Variants in RIMS1 observed in about 807,000 individuals in gnomAD.
RIMS1 encodes regulating synaptic membrane exocytosis protein 1.
In RIMS1, 83 loss-of-function variants were observed where a neutral mutation model predicts 214.1. That is an observed-to-expected ratio of 0.39 (90% CI 0.32 to 0.47). RIMS1 has a LOEUF of 0.47. RIMS1 is among the 20% of genes least tolerant of loss of function. RIMS1 has a pLI of 0.99. For synonymous variants in RIMS1, 793 were observed against 786.8 expected (o/e 1.01, Z -0.13); for missense variants, 2,050 against 2,161.8 (o/e 0.95, Z 1.03).
intron 4 of RIMS1, among the ~76,000 whole-genome samples, chr6:72,152,991 AAT>A (rs1270166055): frequency 2.1e-5 from 2 of 93,102 alleles, no homozygotes; most frequent in African/African-American, 4.2e-5. Flanking sequence ...GTATATATGG[AAT>A]ATATGTTTAT....
intron 29 of RIMS1, among the ~76,000 whole-genome samples, chr6:72,359,789 T>A (rs1024616202): frequency 6.6e-6 from 1 of 152,154 alleles, no homozygotes; most frequent in African/African-American, 2.4e-5. Context: ...ACAAAGTGCA[T>A]CCCAAGTTTG....
At chr6:72,282,447 C>T (rs1394427953) in intron 23 of RIMS1, among the ~76,000 whole-genome samples, 2 of 151,972 alleles carry the variant, frequency 1.3e-5, no homozygotes, top group South Asian at 2.1e-4. Flanking sequence ...TAAATAAGAA[C>T]CTTAATGTCA....
At chr6:72,243,388 A>G (rs72939692) in intron 10 of RIMS1, among the ~76,000 whole-genome samples, 30,817 of 151,532 alleles carry the variant, frequency 0.2, 3,965 homozygotes, top group Non-Finnish European at 0.28. Context: ...TCTAAAATAA[A>G]GGCAAGCTTT....
chr6:72,320,942 C>A (rs2096121852), intron 28 of RIMS1, among the ~76,000 whole-genome samples: 1 of 151,898 alleles, frequency 6.6e-6, no homozygotes, highest in African/African-American at 2.4e-5. Flanking sequence ...AGAAAGTCAT[C>A]ATTTAAAGCT....
chr6:72,089,359 C>T (rs1207000859), intron 2 of RIMS1, among the ~76,000 whole-genome samples: 3 of 152,164 alleles, frequency 2.0e-5, no homozygotes, highest in Admixed American at 2.0e-4. Context: ...AATACCTTAG[C>T]TGAGGTGGTA....
In RIMS1 at chr6:72,133,565, A is replaced by G. The variant is rs555641109; in HGVS notation, c.471+33579A>G. Among the ~76,000 whole-genome samples, 7 of 152,260 alleles carry G rather than the reference A, an allele frequency of 4.6e-5. No homozygotes were observed. The East Asian group carries it at 1.4e-3, about 29-fold the overall frequency. ...TGCTGCAGCATGAGCAAATAAATCC[A>G]CTTCTTCCAGTGATGGCTATAGAGA... On this transcript the variant is annotated intron_variant, in intron 4 of 33. Transcript: ENST00000521978.
intron 29 of RIMS1, among the ~76,000 whole-genome samples, chr6:72,379,359 C>T (rs144000247): frequency 6.6e-6 from 1 of 152,222 alleles, no homozygotes; most frequent in African/African-American, 2.4e-5. Context: ...GTCCCCATGC[C>T]TTCAAGAGCA....
intron 4 of RIMS1, among the ~76,000 whole-genome samples, chr6:72,134,943 T>G (rs559847922): frequency 3.9e-5 from 6 of 152,086 alleles, no homozygotes; most frequent in Admixed American, 6.6e-5. Flanking sequence ...CCTGGAGAGA[T>G]AAAGGCTTTC....
At chr6:72,109,581 A>T (rs969402607) in intron 4 of RIMS1, among the ~76,000 whole-genome samples, 2 of 150,548 alleles carry the variant, frequency 1.3e-5, no homozygotes, top group Non-Finnish European at 3.0e-5. Context: ...GTTTGAGTTC[A>T]TTGTAGATTC....
chr6:71,951,616 A>G (rs1185736978), intron 1 of RIMS1, among the ~76,000 whole-genome samples: 8 of 149,908 alleles, frequency 5.3e-5, no homozygotes, highest in African/African-American at 2.0e-4. Context: ...TCAGCCTCCT[A>G]AGTAGCTAGG....
Position 72,347,836 on chromosome 6 carries a change from T to A in RIMS1, c.4366+14001T>A, listed in dbSNP as rs374845589. Among the ~76,000 whole-genome samples, 63 of 152,038 alleles carry A rather than the reference T, an allele frequency of 4.1e-4. 2 individuals are homozygous for A. Among genetic ancestry groups the A allele is most frequent in the African/African-American group, 1.5e-3 (61 of 41,554 alleles). ...TTCCTACCAGGACCGAAAGTAATTT[T>A]TTTAAGTCCTATAAGACTTTTAGGG... is the stretch of plus-strand genomic sequence containing the variant. On this transcript the variant is annotated intron_variant, in intron 29 of 33. Transcript: ENST00000521978.
At chr6:72,257,595 G>A (rs535897081) in intron 16 of RIMS1, among the ~76,000 whole-genome samples, 1 of 152,140 alleles carries the variant, frequency 6.6e-6, no homozygotes, top group South Asian at 2.1e-4. Context: ...GAGTATAATG[G>A]TGAAGATCTG....
chr6:72,090,052 G>A (rs1011700654), intron 2 of RIMS1, among the ~76,000 whole-genome samples: 1 of 150,328 alleles, frequency 6.7e-6, no homozygotes, highest in African/African-American at 2.4e-5. Flanking sequence ...GATAGCATTG[G>A]CAGATATACC....
At chr6:72,085,855 A>T (rs1015259269) in intron 2 of RIMS1, among the ~76,000 whole-genome samples, 1 of 152,176 alleles carries the variant, frequency 6.6e-6, no homozygotes, top group Non-Finnish European at 1.5e-5. Flanking sequence ...TAAAATTAGC[A>T]TTCTGAAAAT....
At chr6:71,917,313 C>T (rs548852054) in intron 1 of RIMS1, among the ~76,000 whole-genome samples, 10 of 152,180 alleles carry the variant, frequency 6.6e-5, no homozygotes, top group Admixed American at 5.2e-4. Context: ...GCTGCTGTTT[C>T]AGGTAGGATT....
chr6:72,388,483 A>T (rs1399850771), intron 29 of RIMS1, among the ~76,000 whole-genome samples: 1 of 152,224 alleles, frequency 6.6e-6, no homozygotes. Context: ...ATTAATCATT[A>T]TAAGATCTTG....
At position 72,003,596 on chromosome 6, in the gene RIMS1, T is replaced by C. The variant is rs563096592; in HGVS notation, c.245+34533T>C. 2.0e-5 allele frequency among the ~76,000 whole-genome samples: 3 copies of C among 152,004 alleles called. No homozygotes were observed. The South Asian group carries it at 6.2e-4, about 32-fold the overall frequency. On this transcript the variant is annotated intron_variant, in intron 2 of 33. Transcript: ENST00000521978. Reference sequence around the variant, plus strand: ...TAAAGTTATCGATATACAATTTTGCTTGCAGGTGTGTGTCTGTGTGTGTGT... The same window carrying C: ...TAAAGTTATCGATATACAATTTTGCCTGCAGGTGTGTGTCTGTGTGTGTGT...
chr6:72,352,299 A>G (rs968441704), intron 29 of RIMS1, among the ~76,000 whole-genome samples: 6 of 152,244 alleles, frequency 3.9e-5, no homozygotes, highest in African/African-American at 1.4e-4. Flanking sequence ...GGTACATACA[A>G]TGAGTCATAC....
chr6:71,990,014 G>T (rs887825594), intron 2 of RIMS1, among the ~76,000 whole-genome samples: 3 of 152,116 alleles, frequency 2.0e-5, no homozygotes, highest in Non-Finnish European at 2.9e-5. Flanking sequence ...TCAGCCCCCA[G>T]GTCTCTCATG....
Sources: gnomAD v4.1 joint callset for allele counts (sites outside exome capture counted in the v4.1 genomes callset) on GRCh38, gnomAD v4.1.1 for gene constraint, MANE v1.5 for transcripts, NCBI Gene and HGNC (gene_info 2026-07-23, HGNC 2026-07-21) for gene names.